MACROD2: variants seen among roughly 807,000 people sequenced by gnomAD.
MACROD2 encodes ADP-ribose glycohydrolase MACROD2.
In MACROD2, 36 loss-of-function variants were observed where a neutral mutation model predicts 70.4. The ratio of observed to expected loss-of-function variants is 0.51; its 90% confidence interval spans 0.39 to 0.68. The LOEUF (loss-of-function observed/expected upper bound fraction) is 0.68. Among genes scored for constraint, MACROD2 ranks in the 30% least tolerant of loss-of-function variants. The pLI is 0.00. For missense variants in MACROD2, 496 were observed against 538.4 expected, an observed-to-expected ratio of 0.92 and a Z score of 0.78; for synonymous variants, 172 against 178.8, an observed-to-expected ratio of 0.96 and a Z score of 0.30.
chr20:15,362,400 A>G (rs914720227), intron 6 of MACROD2, among the ~76,000 whole-genome samples: 1 of 151,658 alleles, frequency 6.6e-6, no homozygotes, highest in African/African-American at 2.4e-5. Context: ...TCAGTCTTTC[A>G]CCATTAAGCA....
Position 15,170,088 on chromosome 20 carries a change from A to G in MACROD2, c.419-59852A>G, listed in dbSNP as rs2076412482. 2.0e-5 allele frequency among the ~76,000 whole-genome samples: 3 copies of G among 152,226 alleles called. No homozygotes were observed. In the South Asian group the frequency reaches 6.2e-4, roughly 31 times the overall value. ...ATCAGTAGTTAATAGAATTGGAAGT[A>G]CAGTTAAGGTTTATTCTTGTAATTT... is the stretch of plus-strand genomic sequence containing the variant. On this transcript the variant is annotated intron_variant, in intron 5 of 17. Coordinates refer to ENST00000684519, the MANE Select transcript of MACROD2 (RefSeq NM_001351661.2).
At chr20:14,044,385 GA>G (rs1449659719) in intron 2 of MACROD2, among the ~76,000 whole-genome samples, 2 of 152,128 alleles carry the variant, frequency 1.3e-5, no homozygotes, top group East Asian at 3.9e-4. Flanking sequence ...TGCAAAGAGC[GA>G]AAGAACAAAG....
chr20:15,635,897 A>G (rs1192554674), intron 8 of MACROD2, among the ~76,000 whole-genome samples: 1 of 151,702 alleles, frequency 6.6e-6, no homozygotes, highest in East Asian at 1.9e-4. Context: ...GCAAAACCCC[A>G]TCTCTTCTAA....
At chr20:14,325,954 T>C (rs773134271) in intron 3 of MACROD2, 1 of 1,613,916 alleles carries the variant, frequency 6.2e-7, no homozygotes, top group Non-Finnish European at 8.5e-7. Context: ...AGGTTCTTTC[T>C]CTTGCTCTCG....
intron 6 of MACROD2, among the ~76,000 whole-genome samples, chr20:15,279,278 A>G: frequency 6.6e-6 from 1 of 152,188 alleles, no homozygotes; most frequent in East Asian, 1.9e-4. Flanking sequence ...TGCCTTCTTT[A>G]CAATTACCCA....
At chr20:14,904,255 A>G (rs1249697750) in intron 5 of MACROD2, among the ~76,000 whole-genome samples, 1 of 152,194 alleles carries the variant, frequency 6.6e-6, no homozygotes, top group East Asian at 1.9e-4. Flanking sequence ...GATTTATTCT[A>G]AATTTTACTT....
chr20:15,878,993 C>T (rs776622146), intron 9 of MACROD2, among the ~76,000 whole-genome samples: 2 of 151,972 alleles, frequency 1.3e-5, no homozygotes, highest in African/African-American at 2.4e-5. Context: ...ACAAAAACAG[C>T]GTCTATTATG....
intron 3 of MACROD2, among the ~76,000 whole-genome samples, chr20:14,340,215 C>T (rs892376811): frequency 6.6e-6 from 1 of 152,122 alleles, no homozygotes; most frequent in African/African-American, 2.4e-5. Flanking sequence ...GGACTTGGCT[C>T]AGGGTAGAGG....
At chr20:15,713,991 A>ACATG (rs1555868662) in intron 8 of MACROD2, among the ~76,000 whole-genome samples, 3 of 117,026 alleles carry the variant, frequency 2.6e-5, no homozygotes, top group African/African-American at 6.1e-5. Context: ...ACATATGCAC[A>ACATG]CACACACACA....
intron 3 of MACROD2, among the ~76,000 whole-genome samples, chr20:14,410,200 G>A (rs2122863048): frequency 6.8e-6 from 1 of 148,064 alleles, no homozygotes. Flanking sequence ...TGGAGGTGAG[G>A]CCCAGAGTTT....
At chr20:15,329,113 TAGC>T (rs1215942135) in intron 6 of MACROD2, among the ~76,000 whole-genome samples, 3 of 152,178 alleles carry the variant, frequency 2.0e-5, no homozygotes, top group Non-Finnish European at 2.9e-5. Flanking sequence ...CAGCAGATGT[TAGC>T]AGAGTCTATT....
At chr20:14,905,901 C>G (rs1488270357) in intron 5 of MACROD2, 1 of 152,142 alleles carries the variant, frequency 6.6e-6, no homozygotes, top group Non-Finnish European at 1.5e-5. Context: ...TTCCAGCCTT[C>G]ACCTCAATTA....
chr20:14,445,832 G>A (rs1477495647), intron 3 of MACROD2, among the ~76,000 whole-genome samples: 1 of 152,090 alleles, frequency 6.6e-6, no homozygotes, highest in African/African-American at 2.4e-5. Flanking sequence ...ACACAAAAAG[G>A]ACTTTTGCTT....
chr20:15,356,192 C>T (rs2078285289), intron 6 of MACROD2, among the ~76,000 whole-genome samples: 1 of 152,044 alleles, frequency 6.6e-6, no homozygotes, highest in Admixed American at 6.6e-5. Flanking sequence ...TGATCTTGAG[C>T]CAGTTACTTA....
chr20:14,310,873 T>A (rs950225687), intron 3 of MACROD2, among the ~76,000 whole-genome samples: 2 of 151,934 alleles, frequency 1.3e-5, no homozygotes, highest in Non-Finnish European at 2.9e-5. Context: ...AATTTTTTTT[T>A]AAATAGAAAA....
intron 7 of MACROD2, among the ~76,000 whole-genome samples, chr20:15,460,605 G>C (rs957262967): frequency 5.3e-5 from 8 of 152,130 alleles, no homozygotes; most frequent in African/African-American, 1.7e-4. Flanking sequence ...AATGGTAGCT[G>C]CTTCCTGCTT....
chr20:14,979,445 A>G (rs2074776893), intron 5 of MACROD2, among the ~76,000 whole-genome samples: 1 of 152,194 alleles, frequency 6.6e-6, no homozygotes, highest in Non-Finnish European at 1.5e-5. Flanking sequence ...AAAAGTCATT[A>G]CAGTTTTATT....
At chr20:15,135,913 C>T (rs2076143736) in intron 5 of MACROD2, among the ~76,000 whole-genome samples, 1 of 151,994 alleles carries the variant, frequency 6.6e-6, no homozygotes, top group Non-Finnish European at 1.5e-5. Context: ...CATTCTTATA[C>T]ACCAAAAACA....
chr20:15,554,086 G>T (rs762913174), intron 8 of MACROD2, among the ~76,000 whole-genome samples: 1 of 152,220 alleles, frequency 6.6e-6, no homozygotes, highest in Admixed American at 6.5e-5. Context: ...GGCAAGAATG[G>T]CAATGGAGAT....
Sources: allele counts gnomAD v4.1 joint callset (sites outside exome capture counted in the v4.1 genomes callset), GRCh38; gene constraint gnomAD v4.1.1; transcripts MANE v1.5; gene names NCBI Gene and HGNC (gene_info 2026-07-23, HGNC 2026-07-21).